DLGAP2: variants seen among roughly 807,000 people sequenced by gnomAD.
DLGAP2 encodes DLG associated protein 2.
Under a neutral mutation model 100.3 loss-of-function variants are expected in DLGAP2, and 26 were observed. The ratio of observed to expected loss-of-function variants is 0.26; its 90% CI spans 0.19 to 0.36. The LOEUF (loss-of-function observed/expected upper bound fraction) is 0.36. Among genes scored for constraint, DLGAP2 ranks in the 10% least tolerant of loss-of-function variants. DLGAP2 has a pLI of 1.00. For synonymous variants in DLGAP2, 886 were observed against 630.1 expected (o/e 1.41, Z -6.08); for missense variants, 1,858 against 1,453.2 (o/e 1.28, Z -4.53).
At chr8:975,361 G>C (rs1467819871) in intron 2 of DLGAP2, among the ~76,000 whole-genome samples, 1 of 152,064 alleles carries the variant, frequency 6.6e-6, no homozygotes, top group African/African-American at 2.4e-5. Flanking sequence ...CCAGAAGACA[G>C]AAATAGAGGG....
At chr8:826,480 G>A (rs1796687105) in intron 1 of DLGAP2, among the ~76,000 whole-genome samples, 2 of 152,164 alleles carry the variant, frequency 1.3e-5, no homozygotes, top group African/African-American at 2.4e-5. Flanking sequence ...TGAGGTCAGC[G>A]ATGTGAGACT....
intron 1 of DLGAP2, among the ~76,000 whole-genome samples, chr8:837,555 C>A (rs1164206237): frequency 2.6e-5 from 4 of 151,842 alleles, no homozygotes; most frequent in Non-Finnish European, 5.9e-5. Context: ...TTTTTATTTG[C>A]CTGCCTGACC....
intron 4 of DLGAP2, among the ~76,000 whole-genome samples, chr8:1,526,350 C>T (rs183115254): frequency 4.8e-4 from 73 of 152,022 alleles, no homozygotes; most frequent in African/African-American, 1.4e-3. Flanking sequence ...TGAGAGTCTC[C>T]CCCACTCACA....
At chr8:1,622,948 C>T (rs1445952856) in intron 6 of DLGAP2, among the ~76,000 whole-genome samples, 3 of 152,106 alleles carry the variant, frequency 2.0e-5, no homozygotes, top group African/African-American at 7.2e-5. Flanking sequence ...GCGGGGCCAC[C>T]GGAGGGTGCA....
chr8:1,684,623 G>C (rs1435704433), intron 12 of DLGAP2, among the ~76,000 whole-genome samples: 1 of 152,062 alleles, frequency 6.6e-6, no homozygotes, highest in Non-Finnish European at 1.5e-5. Flanking sequence ...AAAATCTATA[G>C]TGAACCCAAA....
intron 3 of DLGAP2, among the ~76,000 whole-genome samples, chr8:1,439,016 A>G (rs1445328572): frequency 6.6e-6 from 1 of 152,224 alleles, no homozygotes; most frequent in Non-Finnish European, 1.5e-5. Flanking sequence ...CTTATGTTTT[A>G]TGAAGCTTAT....
intron 6 of DLGAP2, among the ~76,000 whole-genome samples, chr8:1,592,966 A>G (rs1471744829): frequency 6.6e-6 from 1 of 152,206 alleles, no homozygotes; most frequent in East Asian, 1.9e-4. Flanking sequence ...TTTACTGTCT[A>G]CTGATCCTTA....
chr8:805,814 G>T (rs1223704657), intron 1 of DLGAP2, among the ~76,000 whole-genome samples: 1 of 152,148 alleles, frequency 6.6e-6, no homozygotes. Flanking sequence ...GTGAGCCACC[G>T]CACGCAGCCT....
At chr8:1,149,732 C>T (rs1796666539) in intron 2 of DLGAP2, among the ~76,000 whole-genome samples, 1 of 152,146 alleles carries the variant, frequency 6.6e-6, no homozygotes, top group Non-Finnish European at 1.5e-5. Flanking sequence ...ATTTTATATT[C>T]TTTGTTCTCC....
chr8:1,683,618 CA>C (rs1417875187), intron 12 of DLGAP2, among the ~76,000 whole-genome samples: 1 of 149,462 alleles, frequency 6.7e-6, no homozygotes, highest in Non-Finnish European at 1.5e-5. Flanking sequence ...GAGTGCCAGA[CA>C]ATAGGAATGG....
chr8:1,372,506 A>G (rs568300787), intron 3 of DLGAP2, among the ~76,000 whole-genome samples: 86 of 152,310 alleles, frequency 5.6e-4, no homozygotes, highest in Non-Finnish European at 1.0e-3. Flanking sequence ...TCCGGGCTGC[A>G]TAATTCCTCT....
intron 2 of DLGAP2, among the ~76,000 whole-genome samples, chr8:988,201 C>T (rs915327076): frequency 2.6e-5 from 4 of 152,044 alleles, no homozygotes; most frequent in African/African-American, 4.8e-5. Context: ...GTATTTAGTA[C>T]CCTTTAGTAT....
intron 4 of DLGAP2, among the ~76,000 whole-genome samples, chr8:1,509,328 C>CAA (rs11307586): frequency 8.0e-5 from 11 of 137,764 alleles, no homozygotes; most frequent in African/African-American, 2.4e-4. Flanking sequence ...AGACTCCGTC[C>CAA]AAAAAAAAAA....
At chr8:912,528 C>T (rs1043416251) in intron 2 of DLGAP2, among the ~76,000 whole-genome samples, 6 of 152,222 alleles carry the variant, frequency 3.9e-5, no homozygotes, top group East Asian at 1.9e-4. Flanking sequence ...TTTCAAGCTG[C>T]TGCCATGAAG....
intron 2 of DLGAP2, among the ~76,000 whole-genome samples, chr8:952,759 T>A (rs1258995623): frequency 6.6e-6 from 1 of 152,242 alleles, no homozygotes; most frequent in East Asian, 1.9e-4. Flanking sequence ...AGTAGCATTA[T>A]TTTATGTTAT....
At chr8:1,171,101 C>G (rs1255914277) in intron 2 of DLGAP2, among the ~76,000 whole-genome samples, 3 of 152,076 alleles carry the variant, frequency 2.0e-5, no homozygotes, top group Admixed American at 6.5e-5. Context: ...TCGTTGGTTT[C>G]AAAGAACATC....
intron 2 of DLGAP2, among the ~76,000 whole-genome samples, chr8:943,055 A>G (rs1250782254): frequency 1.3e-5 from 2 of 152,206 alleles, no homozygotes; most frequent in African/African-American, 4.8e-5. Context: ...ACTGACCACA[A>G]TCCGAATTCC....
intron 5 of DLGAP2, among the ~76,000 whole-genome samples, chr8:1,557,284 G>C (rs1049395586): frequency 6.6e-6 from 1 of 152,172 alleles, no homozygotes; most frequent in African/African-American, 2.4e-5. Flanking sequence ...TGTGCAGCCG[G>C]GGGGCTCACA....
intron 10 of DLGAP2, among the ~76,000 whole-genome samples, chr8:1,671,363 C>A (rs1434144330): frequency 6.6e-6 from 1 of 152,240 alleles, no homozygotes; most frequent in African/African-American, 2.4e-5. Flanking sequence ...CTTCCGGGAC[C>A]TTTGGGCACA....
Sources: allele counts gnomAD v4.1 joint callset (sites outside exome capture counted in the v4.1 genomes callset), GRCh38; gene constraint gnomAD v4.1.1; transcripts MANE v1.5; gene names NCBI Gene and HGNC (gene_info 2026-07-23, HGNC 2026-07-21).